The following CABLES1 variants were observed in gnomAD, a reference collection of about 807,000 sequenced individuals.
CABLES1 encodes Cdk5 and Abl enzyme substrate 1.
A neutral mutation model predicts 57.8 loss-of-function variants in CABLES1; 36 were observed. That is an observed-to-expected ratio of 0.62 (90% CI 0.48 to 0.82). CABLES1 has a LOEUF of 0.82. Among genes scored for constraint, CABLES1 ranks in the 40% least tolerant of loss-of-function variants. The pLI is 0.00. For missense variants in CABLES1, 767 were observed against 836.6 expected, an observed-to-expected ratio of 0.92 and a Z score of 1.03; for synonymous variants, 374 against 363.0, an observed-to-expected ratio of 1.03 and a Z score of -0.35.
intron 7 of CABLES1, 38 bp from the exon 8 acceptor site, chr18:23,252,922 G>C (rs1452053267): frequency 7.2e-7 from 1 of 1,386,728 alleles, no homozygotes; most frequent in Non-Finnish European, 1.0e-6. Context: ...TACGACCCTT[G>C]TTTTAAGGAG....
Position 23,167,202 on chromosome 18 carries a change from CT to C in CABLES1, c.846-21629del, listed in dbSNP as rs749406515. 2.6e-5 allele frequency among the ~76,000 whole-genome samples: 4 copies of C among 152,098 alleles called. No homozygotes were observed. In the South Asian group the frequency reaches 8.3e-4, roughly 32 times the overall value. On this transcript the variant is annotated intron_variant, in intron 1 of 9. Coordinates refer to ENST00000256925, the MANE Select transcript of CABLES1 (RefSeq NM_001100619.3). The stretch of plus-strand genomic sequence containing the variant: ...CTTAATGGTTATTTCAATTCTGCAT[CT>C]TTTTTTATTAAATTTAAAAAAAAAA...
rs189170948 is a variant in CABLES1 at position 23,184,844 on chromosome 18, T to C, written c.846-3994T>C. On this transcript the variant is annotated intron_variant, in intron 1 of 9. Coordinates refer to ENST00000256925, the MANE Select transcript of CABLES1 (RefSeq NM_001100619.3). ...ATGACCAACTTGTAGTGTCCTCACA[T>C]GGCAGAAAGGGAGCTAGAGAGCTCT... 6.9e-4 allele frequency among the ~76,000 whole-genome samples: 105 copies of C among 152,308 alleles called. 1 individual carries two copies. The highest frequency in any genetic ancestry group is 2.3e-3 in the African/African-American group (96 of 41,560).
chr18:23,209,294 C>T (rs143073656), intron 3 of CABLES1, among the ~76,000 whole-genome samples: 18 of 152,304 alleles, frequency 1.2e-4, no homozygotes, highest in Non-Finnish European at 1.8e-4. Context: ...CAGTGCTATC[C>T]GTGGTTTCAG....
At chr18:23,189,008 A>T (rs1352468165) in intron 2 of CABLES1, 99 bp downstream of exon 2, 7 of 772,938 alleles carry the variant, frequency 9.1e-6, no homozygotes, top group Non-Finnish European at 1.5e-5. Flanking sequence ...AATTAAATTT[A>T]AAAATAACCA....
intron 3 of CABLES1, among the ~76,000 whole-genome samples, chr18:23,211,615 C>T (rs1015593075): frequency 1.3e-5 from 2 of 152,226 alleles, no homozygotes; most frequent in African/African-American, 4.8e-5. Flanking sequence ...CGTGGGTACC[C>T]AGTCACGCCC....
At chr18:23,242,527 G>A (rs905406913) in intron 7 of CABLES1, among the ~76,000 whole-genome samples, 3 of 152,286 alleles carry the variant, frequency 2.0e-5, no homozygotes, top group South Asian at 4.1e-4. Flanking sequence ...GCCCAGGTCG[G>A]TAGTGGGTTT....
rs1409548593 is a variant in CABLES1 at position 23,257,838 on chromosome 18, A to T, written c.*471A>T. ...TGTGCCAATCTATTTTTGTATCAGC[A>T]TTGGAAGTGCACTTTCCCCTGGGGC... is the stretch of plus-strand genomic sequence containing the variant. On this transcript the variant is annotated 3_prime_UTR_variant, in exon 10 of 10. Coordinates refer to ENST00000256925, the MANE Select transcript of CABLES1 (RefSeq NM_001100619.3). 2 of 153,596 alleles carry T rather than the reference A, an allele frequency of 1.3e-5. No homozygotes were observed. The highest frequency in any genetic ancestry group is 4.8e-5 in the African/African-American group (2 of 41,396). The allele number at this position is 153,596 out of a possible 1,614,324, so 9.5% of individuals were successfully genotyped here. A position where few individuals can be genotyped will look rare whatever the true frequency, so the allele number is the denominator to read the frequency against.
intron 2 of CABLES1, 49 bp downstream of exon 2, chr18:23,188,958 C>G: frequency 2.3e-6 from 3 of 1,314,802 alleles, no homozygotes; most frequent in Non-Finnish European, 3.2e-6. Context: ...ACCATGACAG[C>G]CAGAGATTGA....
chr18:23,141,010 A>G (rs1471675126), intron 1 of CABLES1, among the ~76,000 whole-genome samples: 1 of 152,188 alleles, frequency 6.6e-6, no homozygotes, highest in Non-Finnish European at 1.5e-5. Flanking sequence ...AATGCTTCAG[A>G]TTTGGGCTTC....
At chr18:23,162,001 A>G (rs1165374258) in intron 1 of CABLES1, among the ~76,000 whole-genome samples, 1 of 151,990 alleles carries the variant, frequency 6.6e-6, no homozygotes, top group Non-Finnish European at 1.5e-5. Flanking sequence ...CCCTGTCTCT[A>G]CTAAATGCAA....
chr18:23,155,063 T>A (rs983813687), intron 1 of CABLES1, among the ~76,000 whole-genome samples: 3 of 152,130 alleles, frequency 2.0e-5, no homozygotes, highest in Non-Finnish European at 2.9e-5. Context: ...GAACAATATA[T>A]TTCAATCCAG....
At chr18:23,147,205 T>G (rs1239080736) in intron 1 of CABLES1, among the ~76,000 whole-genome samples, 1 of 152,220 alleles carries the variant, frequency 6.6e-6, no homozygotes, top group Non-Finnish European at 1.5e-5. Flanking sequence ...AGTAAGCTCC[T>G]TCTTCTTCCT....
chr18:23,199,503 A>T (rs2047308227), intron 3 of CABLES1, among the ~76,000 whole-genome samples: 1 of 152,236 alleles, frequency 6.6e-6, no homozygotes, highest in African/African-American at 2.4e-5. Context: ...ACAATGGAGT[A>T]GTATTTGGCC....
chr18:23,186,689 T>A (rs546426477), intron 1 of CABLES1, among the ~76,000 whole-genome samples: 16 of 152,310 alleles, frequency 1.1e-4, no homozygotes, highest in African/African-American at 3.6e-4. Flanking sequence ...CCCAAAGTGC[T>A]GGGATTACAG....
At chr18:23,155,917 G>A in intron 1 of CABLES1, 1 of 1,614,128 alleles carries the variant, frequency 6.2e-7, no homozygotes, top group East Asian at 2.2e-5. Context: ...TTTCTAAGAG[G>A]GGCTGCCATG....
At chr18:23,194,300 G>A (rs536124192) in intron 2 of CABLES1, 148 bp from the exon 3 acceptor site, 17 of 557,762 alleles carry the variant, frequency 3.0e-5, no homozygotes, top group Middle Eastern at 2.7e-4. Flanking sequence ...GCTTCCAGCC[G>A]TGTTGTCTTC....
chr18:23,207,279 G>A lies in CABLES1; in HGVS notation c.1011-6698G>A, dbSNP rs529522814. The stretch of plus-strand genomic sequence containing the variant: ...GTGAGTCAGGGGTGTTGGTCAAAGC[G>A]TTGTACAGAGGGGAGTGGAAACGCT... On this transcript the variant is annotated intron_variant, in intron 3 of 9. Transcript: ENST00000256925. Among the ~76,000 whole-genome samples the A allele has an allele frequency of 8.5e-5, 13 of 152,330 alleles. No homozygotes were observed. In the South Asian group the frequency reaches 2.3e-3, roughly 27 times the overall value.
At chr18:23,251,371 A>G (rs1389227668) in intron 7 of CABLES1, among the ~76,000 whole-genome samples, 2 of 152,196 alleles carry the variant, frequency 1.3e-5, no homozygotes, top group Non-Finnish European at 2.9e-5. Flanking sequence ...GAATTGCTTA[A>G]ACCCAAGAGG....
intron 7 of CABLES1, among the ~76,000 whole-genome samples, 185 bp downstream of exon 7, chr18:23,237,430 C>T (rs1391337836): frequency 6.6e-6 from 1 of 152,236 alleles, no homozygotes; most frequent in Non-Finnish European, 1.5e-5. Context: ...GGCCACCTGG[C>T]CTGCAAACAC....
Sources: allele counts gnomAD v4.1 joint callset (sites outside exome capture counted in the v4.1 genomes callset), GRCh38; gene constraint gnomAD v4.1.1; transcripts MANE v1.5; gene names NCBI Gene and HGNC (gene_info 2026-07-23, HGNC 2026-07-21).